Variants in TCP10L observed in about 807,000 individuals in gnomAD.
The protein encoded by TCP10L is t-complex 10 like, also known as T-complex protein 10A homolog 1.
TCP10L carries 11 observed loss-of-function variants against 19.2 expected under a neutral mutation model. The observed-to-expected ratio is 0.57, with a 90% confidence interval of 0.36 to 0.95. TCP10L has a LOEUF of 0.95. TCP10L is among the 40% of genes least tolerant of loss of function. TCP10L has a pLI of 0.01. For synonymous variants in TCP10L, 96 were observed against 97.2 expected, an observed-to-expected ratio of 0.99 and a Z score of 0.07; for missense variants, 247 against 263.9, an observed-to-expected ratio of 0.94 and a Z score of 0.44.
intron 1 of TCP10L, among the ~76,000 whole-genome samples, chr21:32,584,706 G>T (rs1021214404): frequency 2.0e-5 from 3 of 152,000 alleles, no homozygotes; most frequent in Admixed American, 6.6e-5. Context: ...CTTGGGGTAT[G>T]AGCAGGTGTG....
chr21:32,581,724 T>C (rs2038496921), intron 3 of TCP10L, among the ~76,000 whole-genome samples: 1 of 152,190 alleles, frequency 6.6e-6, no homozygotes, highest in African/African-American at 2.4e-5. Flanking sequence ...TCCTAGAGGA[T>C]GAACAGAAGG....
Position 32,573,963 on chromosome 21 carries a change from CAAGAAA to C in TCP10L, c.*2805_*2810del, listed in dbSNP as rs2038403265. The C allele has an allele frequency of 6.6e-6, 1 of 152,064 alleles. No individual in the cohort carries two copies. The highest frequency in any genetic ancestry group is 2.4e-5 in the African/African-American group (1 of 41,400). The allele number at this position is 152,064 out of a possible 1,614,324, so 9.4% of individuals were successfully genotyped here. On this transcript the variant is annotated 3_prime_UTR_variant, in exon 5 of 5. Coordinates refer to ENST00000300258, the MANE Select transcript of TCP10L (RefSeq NM_144659.7). ...TGGATCCCCAAACAAAATAAAATCC[CAAGAAA>C]AATGTTCCCACTCGTCCCCCCACTG... is the stretch of plus-strand genomic sequence containing the variant.
intron 2 of TCP10L, among the ~76,000 whole-genome samples, chr21:32,583,870 T>C (rs1004574626): frequency 2.6e-5 from 4 of 152,214 alleles, no homozygotes; most frequent in East Asian, 3.9e-4. Context: ...AACTTTCTGA[T>C]TTTCTTTAAT....
Position 32,576,349 on chromosome 21 carries a change from G to C in TCP10L, c.*425C>G. On this transcript the variant is annotated 3_prime_UTR_variant, in exon 5 of 5. Coordinates refer to ENST00000300258, the MANE Select transcript of TCP10L (RefSeq NM_144659.7). ...CTGGGGCAATGACAGTCACAGGCCC[G>C]CCTTGTCACAAGGTCCCTGGAGCGG... 2 of 1,409,564 alleles carry C rather than the reference G, an allele frequency of 1.4e-6. No homozygotes were observed. The highest frequency in any genetic ancestry group is 1.3e-5 in the South Asian group (1 of 79,336). The allele number at this position is 1,409,564 out of a possible 1,614,324, so 87.3% of individuals were successfully genotyped here.
chr21:32,573,831 A>C lies in TCP10L; in HGVS notation c.*2943T>G, dbSNP rs2038402160. Among the ~76,000 whole-genome samples the C allele has an allele frequency of 6.6e-6, 1 of 152,178 alleles. No homozygotes were observed. The highest frequency in any genetic ancestry group is 2.1e-4 in the South Asian group (1 of 4,816). On this transcript the variant is annotated 3_prime_UTR_variant, in exon 5 of 5. Transcript: ENST00000300258. The stretch of plus-strand genomic sequence containing the variant: ...GCCACATTCAACACCTGATACAAAT[A>C]ACACACAGAGACATACAAATAACAT...
rs1488024389 is a variant in TCP10L, at chr21:32,574,056, G to GA, written c.*2717dup. 2 of 152,016 alleles carry GA rather than the reference G, an allele frequency of 1.3e-5. No individual in the cohort carries two copies. The highest frequency in any genetic ancestry group is 4.8e-5 in the African/African-American group (2 of 41,398). 9.4% of individuals were successfully genotyped at this position (152,016 alleles called of 1,614,324 possible). A position where few individuals can be genotyped will look rare whatever the true frequency, so the allele number is the denominator to read the frequency against. On this transcript the variant is annotated 3_prime_UTR_variant, in exon 5 of 5. Transcript: ENST00000300258. Reference sequence around the variant, plus strand: ...TCTCGGGAGAACAGAAAACAAGCGGGACCTGTGTTCCCAGACTTCCCCGCC... The same window carrying GA: ...TCTCGGGAGAACAGAAAACAAGCGGGAACCTGTGTTCCCAGACTTCCCCGCC...
intron 3 of TCP10L, among the ~76,000 whole-genome samples, chr21:32,581,750 G>C (rs1179999362): frequency 6.6e-6 from 1 of 152,214 alleles, no homozygotes; most frequent in Non-Finnish European, 1.5e-5. Flanking sequence ...AGGCTACTGA[G>C]CTGGCTCTGG....
At chr21:32,583,514 G>A (rs1293060004) in intron 2 of TCP10L, among the ~76,000 whole-genome samples, 2 of 149,138 alleles carry the variant, frequency 1.3e-5, no homozygotes, top group East Asian at 2.0e-4. Flanking sequence ...GCGTGAACCC[G>A]GGAGGCGGAG....
chr21:32,584,528 G>A (rs1028431291), intron 1 of TCP10L, among the ~76,000 whole-genome samples: 18 of 152,130 alleles, frequency 1.2e-4, no homozygotes, highest in East Asian at 3.9e-4. Context: ...ACCATCCTCC[G>A]TGGAAAATGC....
rs373469456 is a variant in TCP10L, at chr21:32,584,164, C to T, written c.141G>A (p.Met47Ile). Residue 47 changes from methionine (M) to isoleucine (I), a missense_variant, in exon 2 of 5, where the codon ATG becomes ATA. By Grantham distance (10) the Met-to-Ile change is conservative (BLOSUM62 1). Transcript: ENST00000300258. ...VLTEDCNTGE[M>I]PPLQQQIIRL... ...GTCCCCACAGAGCTCAACTCACTGG[C>T]ATCTCCCCAGTGTTGCAGTCCTCCG... 1.2e-6 allele frequency: 2 copies of T among 1,611,906 alleles called. No homozygotes were observed. Among genetic ancestry groups the T allele is most frequent in the African/African-American group, 1.3e-5 (1 of 74,864 alleles).
At position 32,574,127 on chromosome 21, in the gene TCP10L, G is replaced by A. The variant is rs1196271907; in HGVS notation, c.*2647C>T. 6.6e-6 allele frequency: 1 copy of A among 151,654 alleles called. No homozygotes were observed. Among genetic ancestry groups the A allele is most frequent in the Non-Finnish European group, 1.5e-5 (1 of 67,930 alleles). 9.4% of individuals were successfully genotyped at this position (151,654 alleles called of 1,614,324 possible). A position where few individuals can be genotyped will look rare whatever the true frequency, so the allele number is the denominator to read the frequency against. On this transcript the variant is annotated 3_prime_UTR_variant, in exon 5 of 5. Transcript: ENST00000300258. Reference sequence around the variant, plus strand: ...CGTAAGTTCACAGCCCAAATTTCCTGCCGTAGAGAAAATAATTTCATTTTA... The same window carrying A: ...CGTAAGTTCACAGCCCAAATTTCCTACCGTAGAGAAAATAATTTCATTTTA...
rs3056366 is a variant in TCP10L, at chr21:32,580,476, C to CTGTGTGTGTGTGTGTGTGTG, written c.361-1665_361-1646dup. On this transcript the variant is annotated intron_variant, in intron 3 of 4. Transcript: ENST00000300258. ...CCTCTGGAATGTATTCGGTGGGTGC[C>CTGTGTGTGTGTGTGTGTGTG]TGTGTGTGTGTGTGTGTGTGTGTGT... Among the ~76,000 whole-genome samples the CTGTGTGTGTGTGTGTGTGTG allele has an allele frequency of 2.9e-5, 4 of 137,318 alleles. No individual in the cohort carries two copies. In the East Asian group the frequency reaches 8.7e-4, roughly 30 times the overall value. The allele number at this position is 137,318 out of a possible 152,430, so 90.1% of individuals were successfully genotyped here. A position where few individuals can be genotyped will look rare whatever the true frequency, so the allele number is the denominator to read the frequency against.
intron 3 of TCP10L, among the ~76,000 whole-genome samples, chr21:32,581,673 T>C (rs762908765): frequency 1.6e-4 from 25 of 152,084 alleles, no homozygotes; most frequent in Admixed American, 6.5e-5. Flanking sequence ...CAAGGGAACT[T>C]TTCCCGTTTC....
Position 32,574,126 on chromosome 21 carries a change from T to C in TCP10L, c.*2648A>G, listed in dbSNP as rs959243816. 5 of 151,802 alleles carry C rather than the reference T, an allele frequency of 3.3e-5. No individual in the cohort carries two copies. The highest frequency in any genetic ancestry group is 1.2e-4 in the African/African-American group (5 of 41,314). 9.4% of individuals were successfully genotyped at this position (151,802 alleles called of 1,614,324 possible). On this transcript the variant is annotated 3_prime_UTR_variant, in exon 5 of 5. Transcript: ENST00000300258. ...ACGTAAGTTCACAGCCCAAATTTCC[T>C]GCCGTAGAGAAAATAATTTCATTTT...
In TCP10L at chr21:32,576,801, GGGAGT is replaced by G. The variant is rs2038440037; in HGVS notation, c.616_620del (p.Thr206LeufsTer56). 6.2e-7 allele frequency: 1 copy of G among 1,613,888 alleles called. No homozygotes were observed. The highest frequency in any genetic ancestry group is 8.5e-7 in the Non-Finnish European group (1 of 1,180,004). Reference sequence around the variant, plus strand: ...AGACACCCCCCCGTCTCTCTGCACAGGGAGTTGGCCTTCCAGTAGGTGTTGCTCTT... The same window carrying G: ...AGACACCCCCCCGTCTCTCTGCACAGTGGCCTTCCAGTAGGTGTTGCTCTT... On this transcript the variant is annotated frameshift_variant, in exon 5 of 5. Coordinates refer to ENST00000300258, the MANE Select transcript of TCP10L (RefSeq NM_144659.7). LOFTEE classifies it high-confidence loss of function.
At chr21:32,584,414 C>T (rs768429180) in intron 1 of TCP10L, 109 bp from the exon 2 acceptor site, 311 of 1,422,342 alleles carry the variant, frequency 2.2e-4, no homozygotes, top group Non-Finnish European at 2.5e-4. Flanking sequence ...GACCCGCAGC[C>T]GCTCCTTCTC....
chr21:32,582,083 C>T lies in TCP10L; in HGVS notation c.360+117G>A, dbSNP rs879421170. 89 of 1,199,900 alleles carry T rather than the reference C, an allele frequency of 7.4e-5. No individual in the cohort carries two copies. Among genetic ancestry groups the T allele is most frequent in the Admixed American group, 1.7e-4 (8 of 45,962 alleles). The allele number at this position is 1,199,900 out of a possible 1,614,324, so 74.3% of individuals were successfully genotyped here. A position where few individuals can be genotyped will look rare whatever the true frequency, so the allele number is the denominator to read the frequency against. On this transcript the variant is annotated intron_variant, in intron 3 of 4. Transcript: ENST00000300258. This position sits in a 1 kb window ranked among gnomAD's most constrained non-coding sequence, Gnocchi z 4.2. ...AGTTGATGGAAAGATAGCAACCCCT[C>T]CCACCACCCGGAGCGTGAGTGATAC... is the stretch of plus-strand genomic sequence containing the variant.
At position 32,578,933 on chromosome 21, in the gene TCP10L, G is replaced by A. The variant is rs2038463550; in HGVS notation, c.361-102C>T. The A allele has an allele frequency of 1.0e-5, 16 of 1,572,670 alleles. No individual in the cohort carries two copies. The highest frequency in any genetic ancestry group is 1.1e-5 in the Non-Finnish European group (13 of 1,157,292). On this transcript the variant is annotated intron_variant, in intron 3 of 4. Transcript: ENST00000300258. The surrounding 1 kb of genome is among the most constrained non-coding windows in gnomAD (Gnocchi z 4.2). ...AATTGGAATGTCCTAGAAAAAAATA[G>A]GGTACAAGGTAGGGGGACTTGGACT...
intron 1 of TCP10L, among the ~76,000 whole-genome samples, chr21:32,585,170 CT>C (rs1286942544): frequency 6.6e-6 from 1 of 152,184 alleles, no homozygotes; most frequent in Non-Finnish European, 1.5e-5. Flanking sequence ...AGAGAGTCTC[CT>C]GATGGAAGCG....
Sources: gnomAD v4.1 joint callset for allele counts (sites outside exome capture counted in the v4.1 genomes callset) on GRCh38, gnomAD v4.1.1 for gene constraint, Gnocchi (gnomAD v3.1) non-coding constraint, MANE v1.5 for transcripts, NCBI Gene and HGNC (gene_info 2026-07-23, HGNC 2026-07-21) for gene names.